Variants in LRCH3 observed in about 807,000 individuals in gnomAD.
The protein encoded by LRCH3 is DISP complex protein LRCH3.
A neutral mutation model predicts 104.5 loss-of-function variants in LRCH3; 68 were observed. That is an observed-to-expected ratio of 0.65 (90% CI 0.54 to 0.80). The LOEUF (loss-of-function observed/expected upper bound fraction) is 0.80, where lower values mean the gene tolerates loss of function less well. LRCH3 is among the 30% of genes least tolerant of loss of function. The probability of loss-of-function intolerance (pLI) is 0.00; values close to 1 mark genes in which losing one functional copy is unlikely to be tolerated. For synonymous variants in LRCH3, 344 were observed against 361.3 expected (o/e 0.95, Z 0.54); for missense variants, 951 against 953.9 (o/e 1.00, Z 0.04).
intron 1 of LRCH3, among the ~76,000 whole-genome samples, chr3:197,800,407 A>G (rs1478366875): frequency 6.6e-6 from 1 of 152,208 alleles, no homozygotes; most frequent in Non-Finnish European, 1.5e-5. Flanking sequence ...AGGAATTCCA[A>G]GTGGCCAATA....
chr3:197,806,506 C>A (rs1283041044), intron 1 of LRCH3, among the ~76,000 whole-genome samples: 1 of 151,832 alleles, frequency 6.6e-6, no homozygotes, highest in African/African-American at 2.4e-5. Context: ...GAAAAACTTC[C>A]AAAAATCTGG....
intron 9 of LRCH3, among the ~76,000 whole-genome samples, chr3:197,837,544 A>G (rs917794668): frequency 6.6e-6 from 1 of 152,264 alleles, no homozygotes; most frequent in South Asian, 2.1e-4. Flanking sequence ...CCTGAACACT[A>G]TCTAAAAATG....
Position 197,885,282 on chromosome 3 carries a change from A to T in LRCH3, c.*1616A>T, listed in dbSNP as rs1026074730. The T allele has an allele frequency of 6.6e-6, 1 of 152,204 alleles. No homozygotes were observed. The highest frequency in any genetic ancestry group is 2.4e-5 in the African/African-American group (1 of 41,434). The allele number at this position is 152,204 out of a possible 1,614,324, so 9.4% of individuals were successfully genotyped here. Reference sequence around the variant, plus strand: ...CTAGTTTCTTGTATTTCTTTCAGGTAACTGCCAGTTTCTGTGGCTGAATTT... The same window carrying T: ...CTAGTTTCTTGTATTTCTTTCAGGTTACTGCCAGTTTCTGTGGCTGAATTT... On this transcript the variant is annotated 3_prime_UTR_variant, in exon 21 of 21. Coordinates refer to ENST00000425562, the MANE Select transcript of LRCH3 (RefSeq NM_001365715.1).
At chr3:197,874,353 G>A (rs751581182) in intron 19 of LRCH3, among the ~76,000 whole-genome samples, 8 of 152,124 alleles carry the variant, frequency 5.3e-5, no homozygotes, top group Non-Finnish European at 1.0e-4. Flanking sequence ...TGTGAACTGC[G>A]CATGCGAGGA....
At chr3:197,865,714 C>G (rs1741400545) in intron 16 of LRCH3, among the ~76,000 whole-genome samples, 1 of 151,052 alleles carries the variant, frequency 6.6e-6, no homozygotes, top group South Asian at 2.1e-4. Context: ...TGTTAGAGAG[C>G]TGTGGCTGCT....
intron 20 of LRCH3, 83 bp downstream of exon 20, chr3:197,875,858 C>A (rs1712829964): frequency 4.6e-6 from 4 of 866,544 alleles, no homozygotes; most frequent in Non-Finnish European, 5.5e-6. Context: ...TAAAATCTTA[C>A]AGGACTAGCT....
chr3:197,876,862 A>G (rs1014294031), intron 20 of LRCH3, among the ~76,000 whole-genome samples: 465 of 127,888 alleles, frequency 3.6e-3, no homozygotes, highest in African/African-American at 0.013. Context: ...TCTTTACCCA[A>G]CTCACCGCAC....
At chr3:197,829,311 A>G (rs965390718) in intron 5 of LRCH3, among the ~76,000 whole-genome samples, 12 of 152,366 alleles carry the variant, frequency 7.9e-5, no homozygotes, top group African/African-American at 2.9e-4. Flanking sequence ...TTTGAACAGT[A>G]TAATCAAAAG....
chr3:197,813,706 T>G (rs1580606691), intron 1 of LRCH3, among the ~76,000 whole-genome samples: 1 of 151,588 alleles, frequency 6.6e-6, no homozygotes, highest in East Asian at 1.9e-4. Context: ...AACTTTTGTA[T>G]TTTTAGTAGA....
rs374143791 is a variant in LRCH3, at chr3:197,879,517, G to T, written c.2208+3742G>T. ...AAAAATTAGCCGGGCGTGGTGGCGGGCGCCTGTAGTCCCAGCTGCTCGGGA... is the reference window on the plus strand; with the variant it reads ...AAAAATTAGCCGGGCGTGGTGGCGGTCGCCTGTAGTCCCAGCTGCTCGGGA... On this transcript the variant is annotated intron_variant, in intron 20 of 20. Coordinates refer to ENST00000425562, the MANE Select transcript of LRCH3 (RefSeq NM_001365715.1). Among the ~76,000 whole-genome samples, 5 of 151,512 alleles carry T rather than the reference G, an allele frequency of 3.3e-5. 1 individual carries two copies. Among genetic ancestry groups the T allele is most frequent in the Middle Eastern group, 3.4e-3 (1 of 294 alleles).
chr3:197,850,351 C>CTTTTTTTTTT (rs199876882), intron 12 of LRCH3: 27 of 619,512 alleles, frequency 4.4e-5, no homozygotes, highest in South Asian at 1.5e-4. Context: ...ACCATTTTTT[C>CTTTTTTTTTT]TTTTTTTTTT....
chr3:197,861,340 G>T (rs1416158464), intron 15 of LRCH3, among the ~76,000 whole-genome samples: 1 of 152,088 alleles, frequency 6.6e-6, no homozygotes, highest in Non-Finnish European at 1.5e-5. Context: ...ATGATCTCAA[G>T]GAAGGTCCAT....
At chr3:197,866,724 G>A (rs1056405597) in intron 17 of LRCH3, among the ~76,000 whole-genome samples, 14 of 152,112 alleles carry the variant, frequency 9.2e-5, no homozygotes, top group African/African-American at 2.9e-4. Context: ...GGAAGCTGGC[G>A]GGGAGGATTG....
Position 197,883,207 on chromosome 3 carries a change from G to A in LRCH3, c.2209-334G>A, listed in dbSNP as rs999433245. 3.9e-6 allele frequency: 4 copies of A among 1,026,008 alleles called. No individual in the cohort carries two copies. The African/African-American group carries it at 6.9e-5, about 18-fold the overall frequency. 63.6% of individuals were successfully genotyped at this position (1,026,008 alleles called of 1,614,324 possible). A position where few individuals can be genotyped will look rare whatever the true frequency, so the allele number is the denominator to read the frequency against. On this transcript the variant is annotated intron_variant, in intron 20 of 20. Transcript: ENST00000425562. The surrounding 1 kb of genome is among the most constrained non-coding windows in gnomAD (Gnocchi z 4.2). Reference sequence around the variant, plus strand: ...TTTCACCTGCCTATTTTATAGACCTGTATTGACCTTTTATTCATCAGGGAT... The same window carrying A: ...TTTCACCTGCCTATTTTATAGACCTATATTGACCTTTTATTCATCAGGGAT...
intron 1 of LRCH3, among the ~76,000 whole-genome samples, chr3:197,799,184 T>C (rs1731598701): frequency 6.6e-6 from 1 of 152,180 alleles, no homozygotes; most frequent in Admixed American, 6.5e-5. Flanking sequence ...TGGCTATATT[T>C]GGGAGCTGGA....
At position 197,825,464 on chromosome 3, in the gene LRCH3, A is replaced by ATTTTTTTTTTT. The variant is rs58237989; in HGVS notation, c.641-1391_641-1381dup. On this transcript the variant is annotated intron_variant, in intron 4 of 20. Transcript: ENST00000425562. ...TAGACCTCTTTGTTGATCCTCTTTG[A>ATTTTTTTTTTT]TTTTTTTTTTTTTTTTTTTTTTTTT... 4.0e-4 allele frequency among the ~76,000 whole-genome samples: 8 copies of ATTTTTTTTTTT among 20,034 alleles called. 2 individuals are homozygous for ATTTTTTTTTTT. The highest frequency in any genetic ancestry group is 5.6e-4 in the Non-Finnish European group (6 of 10,746). The allele number at this position is 20,034 out of a possible 152,430, so 13.1% of individuals were successfully genotyped here. A position where few individuals can be genotyped will look rare whatever the true frequency, so the allele number is the denominator to read the frequency against.
At chr3:197,861,329 A>T (rs1740855946) in intron 15 of LRCH3, among the ~76,000 whole-genome samples, 1 of 152,144 alleles carries the variant, frequency 6.6e-6, no homozygotes. Context: ...TTTTTTTCAA[A>T]ATGATCTCAA....
intron 19 of LRCH3, among the ~76,000 whole-genome samples, chr3:197,872,846 G>A (rs1407162453): frequency 6.6e-6 from 1 of 152,072 alleles, no homozygotes; most frequent in African/African-American, 2.4e-5. Flanking sequence ...GACAGAGCGA[G>A]ACTCTGTCTC....
At chr3:197,850,609 G>A in intron 12 of LRCH3, 2 of 1,582,618 alleles carry the variant, frequency 1.3e-6, no homozygotes, top group Non-Finnish European at 1.7e-6. Context: ...ACTTGGATAT[G>A]CTCAATGACC....
Sources: allele counts gnomAD v4.1 joint callset (sites outside exome capture counted in the v4.1 genomes callset), GRCh38; gene constraint gnomAD v4.1.1; non-coding constraint Gnocchi (gnomAD v3.1); transcripts MANE v1.5; gene names NCBI Gene and HGNC (gene_info 2026-07-23, HGNC 2026-07-21).